GAK: variants seen among roughly 807,000 people sequenced by gnomAD.
GAK encodes cyclin G associated kinase, also known as cyclin-G-associated kinase.
GAK carries 79 observed loss-of-function variants against 143.9 expected under a neutral mutation model. The ratio of observed to expected loss-of-function variants is 0.55; its 90% CI spans 0.46 to 0.66. The LOEUF (loss-of-function observed/expected upper bound fraction) is 0.66. Ranked by LOEUF, GAK falls within the 30% of genes least tolerant of loss-of-function variation. The pLI is 0.00. For synonymous variants in GAK, 881 were observed against 765.5 expected, an observed-to-expected ratio of 1.15 and a Z score of -2.49; for missense variants, 1,693 against 1,779.7, an observed-to-expected ratio of 0.95 and a Z score of 0.88.
intron 1 of GAK, among the ~76,000 whole-genome samples, chr4:928,782 A>G (rs1207408464): frequency 6.6e-6 from 1 of 151,494 alleles, no homozygotes; most frequent in Non-Finnish European, 1.5e-5. Flanking sequence ...TTTTTTGGTG[A>G]GACGGAGATT....
intron 9 of GAK, among the ~76,000 whole-genome samples, chr4:892,526 C>A (rs1259426992): frequency 2.6e-5 from 4 of 152,214 alleles, no homozygotes; most frequent in African/African-American, 9.6e-5. Flanking sequence ...CGTGCTGCTC[C>A]CTCCCAGGCC....
At chr4:910,581 G>A (rs1721873199) in intron 4 of GAK, among the ~76,000 whole-genome samples, 2 of 152,000 alleles carry the variant, frequency 1.3e-5, no homozygotes, top group East Asian at 1.9e-4. Flanking sequence ...TCAGGCCTGC[G>A]CTAGCCGGCC....
In GAK at chr4:888,861, G is replaced by A; in HGVS notation, c.1191C>T (p.Ile397=). Reference sequence around the variant, plus strand: ...CTCACACTCACTTAGCGACGGACTGGATGACCTTGGAGGAGGTGTCCTTGA... The same window carrying A: ...CTCACACTCACTTAGCGACGGACTGAATGACCTTGGAGGAGGTGTCCTTGA... ...TNLKDTSSKV[I]QSVANYAKGD... Residue 397 remains isoleucine (I), a synonymous_variant, in exon 11 of 28, where the codon ATC becomes ATT. Transcript: ENST00000314167. 3.1e-6 allele frequency: 5 copies of A among 1,607,526 alleles called. No individual in the cohort carries two copies. Among genetic ancestry groups the A allele is most frequent in the Non-Finnish European group, 4.2e-6 (5 of 1,177,788 alleles).
intron 7 of GAK, chr4:894,506 G>A (rs576242000): frequency 1.1e-3 from 172 of 156,082 alleles, no homozygotes; most frequent in Non-Finnish European, 1.5e-3. Context: ...GACTGGCCGA[G>A]GGGTGGCTCC....
chr4:870,618 G>T, intron 19 of GAK, 93 bp downstream of exon 19: 3 of 1,357,750 alleles, frequency 2.2e-6, no homozygotes, highest in Non-Finnish European at 3.1e-6. Flanking sequence ...GCAGGCGTGG[G>T]GCCCAGCCCT....
intron 2 of GAK, among the ~76,000 whole-genome samples, chr4:913,305 C>T (rs1722367381): frequency 6.6e-6 from 1 of 152,230 alleles, no homozygotes; most frequent in Non-Finnish European, 1.5e-5. Flanking sequence ...TCCTTGTATT[C>T]ATAGAGCCCT....
In GAK at chr4:868,621, C is replaced by T. The variant is rs149263722; in HGVS notation, c.2313G>A (p.Pro771=). 6.5e-5 allele frequency: 103 copies of T among 1,580,600 alleles called. No homozygotes were observed. Among genetic ancestry groups the T allele is most frequent in the African/African-American group, 3.9e-4 (29 of 73,908 alleles). Residue 771 remains proline (P), a synonymous_variant, in exon 20 of 28, where the codon CCG becomes CCA. Transcript: ENST00000314167. ...AGTCAGAGTCTGTGGGTTCGGCTTC[C>T]GGGGACCCTGCCCCAGCATCATACT... ...TAQYDAGAGS[P]EAEPTDSDSP... is the part of the protein sequence containing the mutation.
Position 890,537 on chromosome 4 carries a change from C to T in GAK, c.1076G>A (p.Ser359Asn), listed in dbSNP as rs566097006. ...GCACAGGACAGGGCACTCACCTCCA[C>T]TGTAGCCACTGCCAGCGGGGCCCAC... ...PPVGPAGSGYSGGLALAEYDQ... is the reference protein window; with the variant it reads ...PPVGPAGSGYNGGLALAEYDQ... Residue 359 changes from serine to asparagine, a missense_variant, in exon 10 of 28, where the codon AGT becomes AAT. Ser to Asn is a conservative substitution (Grantham distance 46). Around this residue, in one of 2 missense-constraint regions of GAK, gnomAD observed 871 missense variants for 991.0 expected, o/e 0.88. Coordinates refer to ENST00000314167, the MANE Select transcript of GAK (RefSeq NM_005255.4). 6 of 1,607,170 alleles carry T rather than the reference C, an allele frequency of 3.7e-6. No homozygotes were observed. In the East Asian group the frequency reaches 1.1e-4, roughly 30 times the overall value.
chr4:865,433 C>T (rs576512894), intron 22 of GAK, among the ~76,000 whole-genome samples, 189 bp from the exon 23 acceptor site: 2 of 152,172 alleles, frequency 1.3e-5, no homozygotes, highest in Non-Finnish European at 2.9e-5. Context: ...CAGAACTGAG[C>T]GAGTGGACGT....
chr4:856,171 C>T (rs997185195), intron 24 of GAK, among the ~76,000 whole-genome samples: 16 of 138,046 alleles, frequency 1.2e-4, no homozygotes, highest in Admixed American at 6.5e-4. Context: ...CTCACCACCA[C>T]AGCTGCTCAC....
At position 850,187 on chromosome 4, in the gene GAK, G is replaced by A. The variant is rs544147198; in HGVS notation, c.3658-119C>T. 5.9e-5 allele frequency: 58 copies of A among 987,106 alleles called. 1 individual carries two copies. Among genetic ancestry groups the A allele is most frequent in the African/African-American group, 1.3e-4 (8 of 61,264 alleles). 61.1% of individuals were successfully genotyped at this position (987,106 alleles called of 1,614,324 possible). A position where few individuals can be genotyped will look rare whatever the true frequency, so the allele number is the denominator to read the frequency against. ...TGGTCACGTGGGGTGGGCTCAGCCC[G>A]GCTCACAGACACTGTCCCACTGCAC... On this transcript the variant is annotated intron_variant, in intron 26 of 27. Transcript: ENST00000314167.
At chr4:882,354 G>A (rs975341478) in intron 14 of GAK, among the ~76,000 whole-genome samples, 1 of 152,202 alleles carries the variant, frequency 6.6e-6, no homozygotes, top group Non-Finnish European at 1.5e-5. Flanking sequence ...CCACACCCTG[G>A]GAGGCTCAAG....
At position 866,547 on chromosome 4, in the gene GAK, G is replaced by A. The variant is rs1406946985; in HGVS notation, c.2873-13C>T. On this transcript the variant is annotated splice_polypyrimidine_tract_variant and intron_variant, in intron 21 of 27. Transcript: ENST00000314167. ...CCAAAGGGGTCAGCTGTGGGGACAG[G>A]CGGGCATGGGGAGGACTCAGCCCGG... 1 of 1,611,818 alleles carries A rather than the reference G, an allele frequency of 6.2e-7. No individual in the cohort carries two copies. The highest frequency in any genetic ancestry group is 1.3e-5 in the African/African-American group (1 of 75,042).
chr4:851,973 G>C lies in GAK; in HGVS notation c.3285C>G (p.Gly1095=). 6.2e-7 allele frequency: 1 copy of C among 1,612,994 alleles called. No individual in the cohort carries two copies. Among genetic ancestry groups the C allele is most frequent in the Non-Finnish European group, 8.5e-7 (1 of 1,179,388 alleles). The change falls in exon 25 of 28, where the codon GGC becomes GGG. Residue 1095 remains glycine (G), a splice_region_variant and synonymous_variant. Transcript: ENST00000314167. ...DLGDLSSGLQ[G]SPAGFPPGGF... ...CCCCAGGAGGGAATCCAGCTGGTGAGCCTGTGGAGATGGAGATCGGAAACT... is the reference window on the plus strand; with the variant it reads ...CCCCAGGAGGGAATCCAGCTGGTGACCCTGTGGAGATGGAGATCGGAAACT...
intron 11 of GAK, chr4:885,762 CT>C (rs113111576): frequency 0.35 from 51,004 of 147,114 alleles, 9,176 homozygotes; most frequent in East Asian, 0.68. Context: ...ATTCACTGTC[CT>C]TTTTTTTTTT....
intron 11 of GAK, 133 bp from the exon 12 acceptor site, chr4:884,219 G>C (rs1409456663): frequency 2.1e-5 from 15 of 718,026 alleles, no homozygotes; most frequent in Non-Finnish European, 3.4e-5. Context: ...CAGGAGGAAC[G>C]TGTGTGTGCA....
intron 4 of GAK, among the ~76,000 whole-genome samples, chr4:909,781 A>G (rs1299444750): frequency 6.6e-6 from 1 of 152,226 alleles, no homozygotes; most frequent in African/African-American, 2.4e-5. Flanking sequence ...GGAAGTGGAC[A>G]ATGGACGCCC....
intron 4 of GAK, among the ~76,000 whole-genome samples, chr4:908,855 T>A (rs951171907): frequency 6.6e-6 from 1 of 152,212 alleles, no homozygotes; most frequent in Admixed American, 6.5e-5. Flanking sequence ...CCCATTTTTA[T>A]AAGCACTCAT....
rs781409648 is a variant in GAK at position 881,890 on chromosome 4, G to A, written c.1661+17C>T. 2.4e-5 allele frequency: 37 copies of A among 1,565,484 alleles called. No homozygotes were observed. The highest frequency in any genetic ancestry group is 2.3e-4 in the South Asian group (20 of 86,056). On this transcript the variant is annotated intron_variant, in intron 15 of 27. Transcript: ENST00000314167. ...GCCCACAGAGCTGTCCCCTGTCCCCGGAGGGCCACGCAGTACCTTTTGTGG... is the reference window on the plus strand; with the variant it reads ...GCCCACAGAGCTGTCCCCTGTCCCCAGAGGGCCACGCAGTACCTTTTGTGG...
Sources: allele counts gnomAD v4.1 joint callset (sites outside exome capture counted in the v4.1 genomes callset), GRCh38; gene constraint gnomAD v4.1.1; regional missense constraint gnomAD v4.1.1; transcripts MANE v1.5; gene names NCBI Gene and HGNC (gene_info 2026-07-23, HGNC 2026-07-21).